Variants in ASCC3 observed in about 807,000 individuals in gnomAD.
The protein encoded by ASCC3 is ASC-1 complex subunit P200.
ASCC3 carries 158 observed loss-of-function variants against 256.3 expected under a neutral mutation model. The observed-to-expected ratio is 0.62, with a 90% CI of 0.54 to 0.70. The LOEUF is 0.70. Ranked by LOEUF, ASCC3 falls within the 30% of genes least tolerant of loss-of-function variation. ASCC3 has a pLI of 0.00. For missense variants in ASCC3, 2,259 were observed against 2,626.0 expected (o/e 0.86, Z 3.05); for synonymous variants, 948 against 883.4 (o/e 1.07, Z -1.30).
chr6:100,762,005 C>T lies in ASCC3; in HGVS notation c.1737+4560G>A, dbSNP rs1021018218. On this transcript the variant is annotated intron_variant, in intron 10 of 41. Transcript: ENST00000369162. The stretch of plus-strand genomic sequence containing the variant: ...AGAGTAGATCAGAGCAGTGTGACAT[C>T]GAACACTGCCTGTGATCTGAGCTCA... Among the ~76,000 whole-genome samples the T allele has an allele frequency of 3.3e-5, 5 of 152,094 alleles. No individual in the cohort carries two copies. The South Asian group carries it at 6.2e-4, about 19-fold the overall frequency.
chr6:100,784,405 T>A (rs1782596188), intron 8 of ASCC3, among the ~76,000 whole-genome samples: 1 of 152,006 alleles, frequency 6.6e-6, no homozygotes, highest in African/African-American at 2.4e-5. Context: ...CCAAGCGAAA[T>A]AACTGAATAA....
chr6:100,553,068 T>C (rs1344550478), intron 36 of ASCC3, among the ~76,000 whole-genome samples: 1 of 152,062 alleles, frequency 6.6e-6, no homozygotes, highest in African/African-American at 2.4e-5. Context: ...CTTTAGAATA[T>C]GACATGCTTG....
intron 3 of ASCC3, among the ~76,000 whole-genome samples, chr6:100,853,420 C>CTTTTTTTTTTTTTTTTTTTTTTT (rs11299576): frequency 7.8e-6 from 1 of 127,668 alleles, no homozygotes. Flanking sequence ...ATAAATATTC[C>CTTTTTTTTTTTTTTTTTTTTTTT]TTTTTTTTTT....
intron 36 of ASCC3, among the ~76,000 whole-genome samples, chr6:100,541,064 T>A (rs1023438793): frequency 3.9e-5 from 6 of 152,138 alleles, no homozygotes; most frequent in African/African-American, 1.4e-4. Context: ...AAGTGCCAAT[T>A]GAACCTACAA....
chr6:100,760,563 T>G (rs1394914951), intron 10 of ASCC3, among the ~76,000 whole-genome samples: 4 of 152,178 alleles, frequency 2.6e-5, no homozygotes, highest in Non-Finnish European at 5.9e-5. Flanking sequence ...ATAAAAATCC[T>G]TCAAGGAGCA....
intron 36 of ASCC3, among the ~76,000 whole-genome samples, chr6:100,568,347 G>A (rs1432649288): frequency 6.7e-6 from 1 of 148,624 alleles, no homozygotes; most frequent in Admixed American, 6.7e-5. Flanking sequence ...CAGCCTCGGC[G>A]ACAAAGTGAG....
chr6:100,843,357 T>C lies in ASCC3; in HGVS notation c.801+4791A>G, dbSNP rs9498407. The stretch of plus-strand genomic sequence containing the variant: ...AACTTGCATGGGTCAAGTAACGCCA[T>C]CTGCATAGAGTCAAGAGATAATACT... On this transcript the variant is annotated intron_variant, in intron 4 of 41. Transcript: ENST00000369162. Among the ~76,000 whole-genome samples the C allele has an allele frequency of 4.8e-3, 737 of 152,264 alleles. 9 individuals are homozygous for C. The highest frequency in any genetic ancestry group is 0.017 in the African/African-American group (711 of 41,552).
intron 3 of ASCC3, chr6:100,859,123 G>C: frequency 1.3e-6 from 1 of 779,722 alleles, no homozygotes; most frequent in Non-Finnish European, 2.4e-6. Flanking sequence ...TTAGTCCTCT[G>C]AATCTGTCAG....
intron 34 of ASCC3, among the ~76,000 whole-genome samples, chr6:100,599,015 A>T (rs1437598859): frequency 1.3e-5 from 2 of 152,192 alleles, no homozygotes; most frequent in Non-Finnish European, 2.9e-5. Context: ...AGAAAGTTAG[A>T]GTAGAGAAAG....
intron 25 of ASCC3, 82 bp downstream of exon 25, chr6:100,638,519 G>A: frequency 8.5e-7 from 1 of 1,177,208 alleles, no homozygotes; most frequent in South Asian, 1.4e-5. Flanking sequence ...ATTAGACCCT[G>A]CCAATATATT....
intron 8 of ASCC3, among the ~76,000 whole-genome samples, chr6:100,796,610 T>G (rs1769629034): frequency 6.6e-6 from 1 of 151,968 alleles, no homozygotes; most frequent in African/African-American, 2.4e-5. Flanking sequence ...CATACACACA[T>G]AGAGAAGAGG....
At chr6:100,645,723 T>C (rs1775347221) in intron 22 of ASCC3, among the ~76,000 whole-genome samples, 1 of 152,130 alleles carries the variant, frequency 6.6e-6, no homozygotes. Flanking sequence ...AAAGAGAATC[T>C]GGTGTGTATC....
intron 37 of ASCC3, among the ~76,000 whole-genome samples, chr6:100,537,986 T>C (rs1209535676): frequency 6.6e-6 from 1 of 151,558 alleles, no homozygotes; most frequent in East Asian, 1.9e-4. Context: ...AAAAGTAAAT[T>C]TAGAAACAGA....
chr6:100,698,435 T>C (rs886505442), intron 13 of ASCC3, among the ~76,000 whole-genome samples: 1 of 152,156 alleles, frequency 6.6e-6, no homozygotes, highest in African/African-American at 2.4e-5. Context: ...AAATTTTCTC[T>C]GCTCTAAAAT....
chr6:100,830,519 C>CT (rs1771571438), intron 4 of ASCC3, among the ~76,000 whole-genome samples: 1 of 152,162 alleles, frequency 6.6e-6, no homozygotes, highest in Non-Finnish European at 1.5e-5. Context: ...CACAGCATTT[C>CT]TATGTGTAGG....
intron 1 of ASCC3, among the ~76,000 whole-genome samples, chr6:100,876,742 T>G (rs1774020875): frequency 6.6e-6 from 1 of 152,144 alleles, no homozygotes; most frequent in African/African-American, 2.4e-5. Flanking sequence ...TAATAATAAA[T>G]ATTTAATGCC....
At chr6:100,648,789 C>G (rs138990822) in intron 20 of ASCC3, among the ~76,000 whole-genome samples, 40 of 152,004 alleles carry the variant, frequency 2.6e-4, no homozygotes, top group Non-Finnish European at 5.3e-4. Flanking sequence ...TCAGGATCTA[C>G]AGTTATCCCC....
At position 100,687,489 on chromosome 6, in the gene ASCC3, G is replaced by A. The variant is rs143024464; in HGVS notation, c.2152-7737C>T. On this transcript the variant is annotated intron_variant, in intron 13 of 41. Transcript: ENST00000369162. ...AGATTCTCCTGCCTCAGCCTCCCGA[G>A]TAGCTGGGACTACAGGTGCGCACCA... Among the ~76,000 whole-genome samples the A allele has an allele frequency of 0.013, 1,934 of 152,108 alleles. 94 individuals are homozygous for A. In the East Asian group the frequency reaches 0.14, roughly 11 times the overall value.
intron 37 of ASCC3, among the ~76,000 whole-genome samples, chr6:100,524,505 T>C (rs1774464796): frequency 6.6e-6 from 1 of 152,104 alleles, no homozygotes; most frequent in Non-Finnish European, 1.5e-5. Flanking sequence ...GTCAGTTTCA[T>C]TGCAAGGAAA....
Sources: allele counts gnomAD v4.1 joint callset (sites outside exome capture counted in the v4.1 genomes callset), GRCh38; gene constraint gnomAD v4.1.1; transcripts MANE v1.5; gene names NCBI Gene and HGNC (gene_info 2026-07-23, HGNC 2026-07-21).